Variants in CDIN1 observed in about 807,000 individuals in gnomAD.
CDIN1 encodes CDAN1 interacting nuclease 1, also known as CDAN1-interacting nuclease 1.
A neutral mutation model predicts 45.3 loss-of-function variants in CDIN1; 33 were observed. The observed-to-expected ratio is 0.73, with a 90% confidence interval of 0.55 to 0.97. The LOEUF (loss-of-function observed/expected upper bound fraction) is 0.97. Ranked by LOEUF, CDIN1 falls within the 50% of genes least tolerant of loss-of-function variation. CDIN1 has a pLI of 0.00. For missense variants in CDIN1, 303 were observed against 339.4 expected, an observed-to-expected ratio of 0.89 and a Z score of 0.84; for synonymous variants, 118 against 124.4, an observed-to-expected ratio of 0.95 and a Z score of 0.34.
chr15:36,697,842 A>G lies in CDIN1; in HGVS notation c.544+452A>G. 1.3e-5 allele frequency among the ~76,000 whole-genome samples: 2 copies of G among 152,146 alleles called. 1 individual carries two copies. Among genetic ancestry groups the G allele is most frequent in the Non-Finnish European group, 2.9e-5 (2 of 68,006 alleles). On this transcript the variant is annotated intron_variant, in intron 8 of 10. Transcript: ENST00000566621. ...GCCTTTATTTTCATGCCAAACGTTCATTGGCATCATGGATTTATTATGATT... is the reference window on the plus strand; with the variant it reads ...GCCTTTATTTTCATGCCAAACGTTCGTTGGCATCATGGATTTATTATGATT...
intron 8 of CDIN1, chr15:36,705,377 T>C (rs1418149997): frequency 6.6e-6 from 1 of 152,132 alleles, no homozygotes; most frequent in South Asian, 2.1e-4. Flanking sequence ...TGAAAATAAA[T>C]TTTTCCCCAC....
At chr15:36,772,963 G>A (rs954359094) in intron 10 of CDIN1, among the ~76,000 whole-genome samples, 2 of 151,986 alleles carry the variant, frequency 1.3e-5, no homozygotes, top group Non-Finnish European at 2.9e-5. Context: ...GTAATGCTTT[G>A]TTCTCTCCTC....
chr15:36,753,146 A>G (rs1365100477), intron 10 of CDIN1, among the ~76,000 whole-genome samples: 1 of 152,138 alleles, frequency 6.6e-6, no homozygotes, highest in Non-Finnish European at 1.5e-5. Flanking sequence ...GGCAACTGTG[A>G]GGGGTAAAGA....
chr15:36,599,775 G>T (rs1464038397), intron 1 of CDIN1, among the ~76,000 whole-genome samples: 1 of 152,160 alleles, frequency 6.6e-6, no homozygotes, highest in Non-Finnish European at 1.5e-5. Context: ...GTGATCCAGG[G>T]CTCCTCAGCT....
chr15:36,734,646 A>AT (rs1456178668), intron 10 of CDIN1, among the ~76,000 whole-genome samples: 2 of 152,166 alleles, frequency 1.3e-5, no homozygotes. Context: ...ACACATCAGT[A>AT]TTTACTGGCT....
intron 10 of CDIN1, chr15:36,756,166 C>T (rs1368181234): frequency 2.2e-6 from 1 of 455,644 alleles, no homozygotes; most frequent in Admixed American, 2.4e-5. Context: ...GTGGGGAATC[C>T]TTAGTTGAAG....
chr15:36,727,214 A>G (rs1257875100), intron 10 of CDIN1, among the ~76,000 whole-genome samples: 2 of 152,164 alleles, frequency 1.3e-5, no homozygotes, highest in African/African-American at 4.8e-5. Flanking sequence ...TTTGCAAATT[A>G]AGGGTAAAAT....
chr15:36,722,303 A>ATCTCTCTCTCTCTCTCTCTCTCTCTC (rs5811928), intron 10 of CDIN1, among the ~76,000 whole-genome samples: 15 of 140,774 alleles, frequency 1.1e-4, no homozygotes, highest in African/African-American at 3.9e-4. Context: ...TTCTTTTGAG[A>ATCTCTCTCTCTCTCTCTCTCTCTCTC]TCTCTCTCTC....
chr15:36,657,865 T>A lies in CDIN1; in HGVS notation c.306T>A (p.Leu102=). The A allele has an allele frequency of 6.2e-7, 1 of 1,612,218 alleles. No homozygotes were observed. Among genetic ancestry groups the A allele is most frequent in the East Asian group, 2.2e-5 (1 of 44,820 alleles). The change falls in exon 5 of 11, where the codon CTT becomes CTA. Residue 102 remains leucine (L), a synonymous_variant. Transcript: ENST00000566621. ...VDYAPSLMAR[L]ILERFLQEHE... is the part of the protein sequence containing the mutation. The stretch of plus-strand genomic sequence containing the variant: ...ATGCGCCCTCATTAATGGCTCGGCT[T>A]ATACTGGAGAGGTTTCTACAGGAAC...
chr15:36,627,348 T>A, intron 1 of CDIN1: 1 of 159,884 alleles, frequency 6.3e-6, no homozygotes, highest in Non-Finnish European at 1.4e-5. Flanking sequence ...TTCAAGGACT[T>A]GAGTCTGAAG....
intron 10 of CDIN1, among the ~76,000 whole-genome samples, chr15:36,795,156 G>A (rs751772393): frequency 2.0e-5 from 3 of 152,098 alleles, no homozygotes; most frequent in Non-Finnish European, 4.4e-5. Context: ...GAGGGTGGGT[G>A]GATGAAAAGA....
At chr15:36,771,212 G>A (rs2054067916) in intron 10 of CDIN1, among the ~76,000 whole-genome samples, 1 of 152,034 alleles carries the variant, frequency 6.6e-6, no homozygotes, top group African/African-American at 2.4e-5. Flanking sequence ...AAGGGTGGAG[G>A]GCTAGGGAAG....
chr15:36,750,767 T>A (rs1211050832), intron 10 of CDIN1, among the ~76,000 whole-genome samples: 1 of 152,158 alleles, frequency 6.6e-6, no homozygotes, highest in Non-Finnish European at 1.5e-5. Flanking sequence ...CGAAACTTTT[T>A]AAGATAAAGC....
chr15:36,705,868 T>C (rs2042844958), intron 8 of CDIN1: 1 of 152,208 alleles, frequency 6.6e-6, no homozygotes, highest in Non-Finnish European at 1.5e-5. Context: ...TTCATATTGA[T>C]TCCCAACCAT....
intron 1 of CDIN1, among the ~76,000 whole-genome samples, chr15:36,634,035 A>G (rs994078187): frequency 6.6e-6 from 1 of 151,700 alleles, no homozygotes; most frequent in Non-Finnish European, 1.5e-5. Flanking sequence ...TACAGGTGTG[A>G]GCCACCATGC....
At chr15:36,785,000 G>A (rs2141065732) in intron 10 of CDIN1, among the ~76,000 whole-genome samples, 1 of 152,234 alleles carries the variant, frequency 6.6e-6, no homozygotes, top group Admixed American at 6.5e-5. Context: ...TGAGGAGATG[G>A]GTTATCTTTC....
At chr15:36,791,999 C>T (rs565591256) in intron 10 of CDIN1, among the ~76,000 whole-genome samples, 15 of 152,264 alleles carry the variant, frequency 9.9e-5, no homozygotes, top group African/African-American at 2.2e-4. Flanking sequence ...TGGCAGCACG[C>T]GCAGACCAGC....
intron 1 of CDIN1, among the ~76,000 whole-genome samples, chr15:36,587,379 T>G (rs1193129672): frequency 1.7e-5 from 1 of 57,326 alleles, no homozygotes; most frequent in Non-Finnish European, 3.9e-5. Flanking sequence ...ATGTACTTAG[T>G]CATCTTCTTG....
chr15:36,623,657 T>C (rs999349847), intron 1 of CDIN1, among the ~76,000 whole-genome samples: 1 of 152,232 alleles, frequency 6.6e-6, no homozygotes, highest in Non-Finnish European at 1.5e-5. Flanking sequence ...ATGGTGTGGT[T>C]GGAATGCTGT....
Sources: gnomAD v4.1 joint callset for allele counts (sites outside exome capture counted in the v4.1 genomes callset) on GRCh38, gnomAD v4.1.1 for gene constraint, MANE v1.5 for transcripts, NCBI Gene and HGNC (gene_info 2026-07-23, HGNC 2026-07-21) for gene names.